Variants in NAV2 observed in about 807,000 individuals in gnomAD.
NAV2 encodes the protein helicase, APC down-regulated 1.
In NAV2, 54 loss-of-function variants were observed where a neutral mutation model predicts 223.2. The observed-to-expected ratio is 0.24, with a 90% CI of 0.19 to 0.30. The LOEUF (loss-of-function observed/expected upper bound fraction) is 0.30, where lower values mean the gene tolerates loss of function less well. NAV2 is among the 10% of genes least tolerant of loss of function. NAV2 has a pLI of 1.00. For synonymous variants in NAV2, 1,279 were observed against 1,239.3 expected, an observed-to-expected ratio of 1.03 and a Z score of -0.67; for missense variants, 2,806 against 3,147.5, an observed-to-expected ratio of 0.89 and a Z score of 2.60.
chr11:19,633,634 C>T lies in NAV2; in HGVS notation c.76-198850C>T, dbSNP rs527972292. On this transcript the variant is annotated intron_variant, in intron 1 of 37. Coordinates refer to the NAV2 transcript ENST00000360655. ...CCCAGGGAAAAGCAGCCTGTTCCTT[C>T]ACTCTCCCCATGTTCACGGACTGCT... Among the ~76,000 whole-genome samples the T allele has an allele frequency of 1.0e-3, 153 of 152,392 alleles. 2 individuals are homozygous for T. Among genetic ancestry groups the T allele is most frequent in the Non-Finnish European group, 1.5e-3 (101 of 68,042 alleles).
chr11:19,583,427 G>A (rs1289404327), intron 1 of NAV2, among the ~76,000 whole-genome samples: 5 of 152,166 alleles, frequency 3.3e-5, no homozygotes, highest in Non-Finnish European at 7.3e-5. Flanking sequence ...GAATAGGAGT[G>A]GTGAGAGAGG....
chr11:19,765,103 A>G (rs1278340949), intron 1 of NAV2, among the ~76,000 whole-genome samples: 1 of 152,144 alleles, frequency 6.6e-6, no homozygotes, highest in East Asian at 1.9e-4. Context: ...GTGTATAGGC[A>G]TTAACAGATT....
chr11:19,725,062 G>C (rs1211229255), intron 1 of NAV2, among the ~76,000 whole-genome samples: 1 of 152,222 alleles, frequency 6.6e-6, no homozygotes, highest in African/African-American at 2.4e-5. Context: ...AGGCAGATAA[G>C]ATCACTGTTA....
At chr11:19,906,095 A>G (rs373077040) in intron 6 of NAV2, among the ~76,000 whole-genome samples, 1 of 152,002 alleles carries the variant, frequency 6.6e-6, no homozygotes, top group Non-Finnish European at 1.5e-5. Flanking sequence ...GCCTGCTCCT[A>G]TGTCTGAGGG....
chr11:20,043,818 G>T, intron 12 of NAV2, 163 bp from the exon 13 acceptor site: 6 of 565,066 alleles, frequency 1.1e-5, no homozygotes, highest in South Asian at 9.3e-5. Context: ...AAAAAAATCA[G>T]TCTTTCTAAC....
chr11:19,530,520 A>G (rs1222869697), intron 1 of NAV2, among the ~76,000 whole-genome samples: 14 of 152,204 alleles, frequency 9.2e-5, no homozygotes. Context: ...CAGAGGGGTT[A>G]AATGGCATGC....
At chr11:19,810,545 A>G (rs2058789368) in intron 1 of NAV2, among the ~76,000 whole-genome samples, 1 of 152,248 alleles carries the variant, frequency 6.6e-6, no homozygotes, top group Non-Finnish European at 1.5e-5. Flanking sequence ...CTGACATGCT[A>G]TATAGATCAG....
chr11:19,482,333 G>A (rs781597239), intron 1 of NAV2, among the ~76,000 whole-genome samples: 12 of 152,132 alleles, frequency 7.9e-5, no homozygotes, highest in Non-Finnish European at 1.6e-4. Flanking sequence ...TGAGCCTCTA[G>A]TAATGAGAAT....
At chr11:19,689,032 G>C (rs192069104) in intron 1 of NAV2, among the ~76,000 whole-genome samples, 5 of 152,282 alleles carry the variant, frequency 3.3e-5, no homozygotes, top group African/African-American at 9.6e-5. Context: ...TCAGTATAAG[G>C]AGAGCTCTGC....
intron 1 of NAV2, among the ~76,000 whole-genome samples, chr11:19,386,669 A>T (rs1849054257): frequency 1.3e-5 from 2 of 149,324 alleles, no homozygotes; most frequent in South Asian, 4.3e-4. Flanking sequence ...ATGTGTCAAT[A>T]ACTTTGACCT....
At chr11:19,808,918 G>A (rs1309786809) in intron 1 of NAV2, among the ~76,000 whole-genome samples, 1 of 152,176 alleles carries the variant, frequency 6.6e-6, no homozygotes, top group African/African-American at 2.4e-5. Context: ...TAAACTTGAG[G>A]GAACCTCTGG....
intron 1 of NAV2, among the ~76,000 whole-genome samples, chr11:19,810,809 G>T (rs530482543): frequency 6.6e-6 from 1 of 152,282 alleles, no homozygotes; most frequent in Middle Eastern, 3.4e-3. Context: ...ATTTTAATAA[G>T]CTCTACACAG....
chr11:19,887,568 A>T (rs953767280), intron 5 of NAV2, among the ~76,000 whole-genome samples: 1 of 152,190 alleles, frequency 6.6e-6, no homozygotes, highest in South Asian at 2.1e-4. Context: ...ATAATTATAA[A>T]TATAAATTAA....
At chr11:19,492,281 T>TAA (rs949590214) in intron 1 of NAV2, among the ~76,000 whole-genome samples, 5 of 143,802 alleles carry the variant, frequency 3.5e-5, no homozygotes, top group Non-Finnish European at 4.6e-5. Context: ...TCAATTTGTT[T>TAA]AAAAAAAAAA....
At chr11:19,444,502 T>C (rs541994019) in intron 1 of NAV2, among the ~76,000 whole-genome samples, 1 of 152,284 alleles carries the variant, frequency 6.6e-6, no homozygotes, top group South Asian at 2.1e-4. Flanking sequence ...AACCATGTGC[T>C]GAAGATGGTG....
intron 1 of NAV2, among the ~76,000 whole-genome samples, chr11:19,581,311 A>G (rs1481402160): frequency 1.3e-5 from 2 of 152,174 alleles, no homozygotes; most frequent in Admixed American, 1.3e-4. Context: ...CACTCTTTGT[A>G]TCTTGTTTAA....
chr11:19,546,551 T>G (rs1462597501), intron 1 of NAV2, among the ~76,000 whole-genome samples: 1 of 152,222 alleles, frequency 6.6e-6, no homozygotes, highest in Non-Finnish European at 1.5e-5. Context: ...AATGGAGGGC[T>G]GTGTACAGAA....
chr11:19,969,167 C>T (rs1257064541), intron 10 of NAV2, among the ~76,000 whole-genome samples: 1 of 152,190 alleles, frequency 6.6e-6, no homozygotes, highest in Non-Finnish European at 1.5e-5. Context: ...AAACTGTGCT[C>T]CCCACTATAC....
intron 6 of NAV2, among the ~76,000 whole-genome samples, chr11:19,894,317 G>T (rs1277559494): frequency 7.9e-5 from 12 of 152,156 alleles, no homozygotes. Context: ...CCTGTTGAGG[G>T]CTGGTTGACT....
Sources: allele counts gnomAD v4.1 joint callset (sites outside exome capture counted in the v4.1 genomes callset), GRCh38; gene constraint gnomAD v4.1.1; transcripts MANE v1.5; gene names NCBI Gene and HGNC (gene_info 2026-07-23, HGNC 2026-07-21).